The following CHTF8 variants were observed in gnomAD, a reference collection of about 807,000 sequenced individuals.
CHTF8 encodes chromosome transmission fidelity protein 8 homolog.
Under a neutral mutation model 11.0 loss-of-function variants are expected in CHTF8, and 6 were observed. The observed-to-expected ratio is 0.55, with a 90% confidence interval of 0.30 to 1.08. The LOEUF is 1.08. Among genes scored for constraint, CHTF8 ranks in the 50% least tolerant of loss-of-function variants. The pLI, the probability that CHTF8 is intolerant of heterozygous loss-of-function variation, is 0.07. For synonymous variants in CHTF8, 53 were observed against 60.5 expected (o/e 0.88, Z 0.57); for missense variants, 140 against 153.1 (o/e 0.91, Z 0.45).
chr16:69,118,677 A>AAAT lies in CHTF8; in HGVS notation c.*1745_*1747dup. 2 of 676,524 alleles carry AAAT rather than the reference A, an allele frequency of 3.0e-6. No homozygotes were observed. Among genetic ancestry groups the AAAT allele is most frequent in the East Asian group, 5.4e-5 (2 of 37,006 alleles). 41.9% of individuals were successfully genotyped at this position (676,524 alleles called of 1,614,324 possible). Reference sequence around the variant, plus strand: ...CCACCTGCCACAGTTCACATGCCACAAATAACATCTCACCTTCAGTCAAGA... The same window carrying AAAT: ...CCACCTGCCACAGTTCACATGCCACAAATAATAACATCTCACCTTCAGTCAAGA... On this transcript the variant is annotated 3_prime_UTR_variant, in exon 4 of 4. Transcript: ENST00000448552.
chr16:69,118,627 C>G lies in CHTF8; in HGVS notation c.*1798G>C. On this transcript the variant is annotated 3_prime_UTR_variant, in exon 4 of 4. Transcript: ENST00000448552. ...GCAGGCTTCTGGGAGGCTGGAGATC[C>G]TTTCTCTCAAGGGCAGGATTATTCC... 1.4e-6 allele frequency: 1 copy of G among 703,778 alleles called. No individual in the cohort carries two copies. The highest frequency in any genetic ancestry group is 2.7e-5 in the East Asian group (1 of 37,274). The allele number at this position is 703,778 out of a possible 1,614,324, so 43.6% of individuals were successfully genotyped here. A position where few individuals can be genotyped will look rare whatever the true frequency, so the allele number is the denominator to read the frequency against.
intron 1 of CHTF8, among the ~76,000 whole-genome samples, chr16:69,127,542 T>C (rs975527850): frequency 6.6e-6 from 1 of 150,704 alleles, no homozygotes; most frequent in African/African-American, 2.4e-5. Flanking sequence ...ATTTGATGAA[T>C]ACGCTATACA....
Position 69,118,802 on chromosome 16 carries a change from C to T in CHTF8, c.*1623G>A, listed in dbSNP as rs1381336054. 2 of 661,432 alleles carry T rather than the reference C, an allele frequency of 3.0e-6. No homozygotes were observed. The highest frequency in any genetic ancestry group is 1.8e-5 in the African/African-American group (1 of 55,984). 41.0% of individuals were successfully genotyped at this position (661,432 alleles called of 1,614,324 possible). ...ACCCTTTTACCTAAGACAGCCCCTGCCAAGAACCACAGTGCCTAGAAACCA... is the reference window on the plus strand; with the variant it reads ...ACCCTTTTACCTAAGACAGCCCCTGTCAAGAACCACAGTGCCTAGAAACCA... On this transcript the variant is annotated 3_prime_UTR_variant, in exon 4 of 4. Coordinates refer to ENST00000448552, the MANE Select transcript of CHTF8 (RefSeq NM_001039690.5).
In CHTF8 at chr16:69,118,683, C is replaced by A; in HGVS notation, c.*1742G>T. ...GCCACAGTTCACATGCCACAAATAA[C>A]ATCTCACCTTCAGTCAAGAAAAACG... On this transcript the variant is annotated 3_prime_UTR_variant, in exon 4 of 4. Transcript: ENST00000448552. The A allele has an allele frequency of 1.5e-6, 1 of 670,662 alleles. No individual in the cohort carries two copies. Among genetic ancestry groups the A allele is most frequent in the Non-Finnish European group, 2.7e-6 (1 of 370,114 alleles). 41.5% of individuals were successfully genotyped at this position (670,662 alleles called of 1,614,324 possible). A position where few individuals can be genotyped will look rare whatever the true frequency, so the allele number is the denominator to read the frequency against.
chr16:69,124,565 A>G (rs11861167), intron 1 of CHTF8, among the ~76,000 whole-genome samples: 3,636 of 151,832 alleles, frequency 0.024, 154 homozygotes, highest in African/African-American at 0.083. Context: ...CTGGGATTAC[A>G]GGCGCCCGCC....
At chr16:69,125,805 G>C (rs1001868649) in intron 1 of CHTF8, among the ~76,000 whole-genome samples, 1 of 152,246 alleles carries the variant, frequency 6.6e-6, no homozygotes, top group African/African-American at 2.4e-5. Flanking sequence ...TCTCCTGCCT[G>C]TAAGTGTGGA....
Position 69,121,753 on chromosome 16 carries a change from C to T in CHTF8, c.-35-260G>A, listed in dbSNP as rs537319290. 3.9e-4 allele frequency among the ~76,000 whole-genome samples: 59 copies of T among 152,128 alleles called. No homozygotes were observed. The South Asian group carries it at 6.5e-3, about 17-fold the overall frequency. Reference sequence around the variant, plus strand: ...CACGATCTCAGCTCACTGCAAGCTCCGCCTCCGGGGTTCATGCCATTCTCC... The same window carrying T: ...CACGATCTCAGCTCACTGCAAGCTCTGCCTCCGGGGTTCATGCCATTCTCC... On this transcript the variant is annotated intron_variant, in intron 1 of 3. Transcript: ENST00000448552.
At position 69,121,389 on chromosome 16, in the gene CHTF8, G is replaced by A. The variant is rs192664244; in HGVS notation, c.23+47C>T. 7.8e-6 allele frequency: 12 copies of A among 1,529,572 alleles called. No homozygotes were observed. In the African/African-American group the frequency reaches 1.5e-4, roughly 19 times the overall value. 94.8% of individuals were successfully genotyped at this position (1,529,572 alleles called of 1,614,324 possible). On this transcript the variant is annotated intron_variant, in intron 2 of 3. Coordinates refer to ENST00000448552, the MANE Select transcript of CHTF8 (RefSeq NM_001039690.5). ...TCCAGACACATGGCACACCTCTATA[G>A]CCCTCATCATTTCAAGCCAAATTTT...
In CHTF8 at chr16:69,121,671, GTT is replaced by G. The variant is rs893564251; in HGVS notation, c.-35-180_-35-179del. Among the ~76,000 whole-genome samples the G allele has an allele frequency of 8.5e-5, 12 of 141,266 alleles. No individual in the cohort carries two copies. In the South Asian group the frequency reaches 2.1e-3, roughly 24 times the overall value. 92.7% of individuals were successfully genotyped at this position (141,266 alleles called of 152,430 possible). A position where few individuals can be genotyped will look rare whatever the true frequency, so the allele number is the denominator to read the frequency against. ...TTTTTGTATTTTTAGTAGAGATGGG[GTT>G]TTTTTTTTTTTTGAGACGGAGTCTC... On this transcript the variant is annotated intron_variant, in intron 1 of 3. Coordinates refer to ENST00000448552, the MANE Select transcript of CHTF8 (RefSeq NM_001039690.5).
intron 1 of CHTF8, among the ~76,000 whole-genome samples, chr16:69,130,313 GTTTT>G (rs199974418): frequency 1.7e-5 from 2 of 119,854 alleles, no homozygotes; most frequent in Non-Finnish European, 4.1e-5. Flanking sequence ...TAGAAATTTT[GTTTT>G]TTTTTCAAAC....
At chr16:69,122,597 G>C (rs937130338) in intron 1 of CHTF8, among the ~76,000 whole-genome samples, 1 of 150,214 alleles carries the variant, frequency 6.7e-6, no homozygotes, top group African/African-American at 2.5e-5. Context: ...CTGGAGTGCA[G>C]TGGCATGATC....
At chr16:69,124,265 C>T (rs1043500041) in intron 1 of CHTF8, among the ~76,000 whole-genome samples, 4 of 152,156 alleles carry the variant, frequency 2.6e-5, no homozygotes, top group South Asian at 2.1e-4. Context: ...CTGATAGGAT[C>T]GGGGATAAAA....
Position 69,119,164 on chromosome 16 carries a change from G to A in CHTF8, c.*1261C>T, listed in dbSNP as rs1413460670. The stretch of plus-strand genomic sequence containing the variant: ...AGACCTTGGGAAGGTAGTTGGACTT[G>A]GACCCTGCAGGCCAGTGGCCCTTGG... On this transcript the variant is annotated 3_prime_UTR_variant, in exon 4 of 4. Coordinates refer to ENST00000448552, the MANE Select transcript of CHTF8 (RefSeq NM_001039690.5). 4.3e-6 allele frequency: 3 copies of A among 703,008 alleles called. No homozygotes were observed. In the Admixed American group the frequency reaches 6.0e-5, roughly 14 times the overall value. The allele number at this position is 703,008 out of a possible 1,614,324, so 43.5% of individuals were successfully genotyped here. A position where few individuals can be genotyped will look rare whatever the true frequency, so the allele number is the denominator to read the frequency against.
chr16:69,123,260 A>G (rs1961814272), intron 1 of CHTF8, among the ~76,000 whole-genome samples: 1 of 152,200 alleles, frequency 6.6e-6, no homozygotes, highest in Admixed American at 6.5e-5. Context: ...TTTCTTAAAA[A>G]AGCCTATGGA....
chr16:69,122,460 C>T (rs1349745190), intron 1 of CHTF8, among the ~76,000 whole-genome samples: 1 of 151,592 alleles, frequency 6.6e-6, no homozygotes, highest in Non-Finnish European at 1.5e-5. Context: ...GCAACCTCTG[C>T]TTCCCGGGTT....
chr16:69,127,194 C>T (rs1277485462), intron 1 of CHTF8, among the ~76,000 whole-genome samples: 7 of 150,924 alleles, frequency 4.6e-5, no homozygotes, highest in Non-Finnish European at 7.4e-5. Flanking sequence ...GCTGAGATTG[C>T]GCCACCACAC....
chr16:69,129,428 A>C (rs11641720), intron 1 of CHTF8, among the ~76,000 whole-genome samples: 1 of 105,522 alleles, frequency 9.5e-6, no homozygotes, highest in Non-Finnish European at 2.0e-5. Context: ...AGACTCCGTC[A>C]CAAAAAAAAA....
At position 69,120,667 on chromosome 16, in the gene CHTF8, C is replaced by T. The variant is rs199854490; in HGVS notation, c.142-18G>A. Reference sequence around the variant, plus strand: ...GGGATTCCCTTTGGCAGAACAAGAACGAGATTCCTGAGGTTCCGGGGCAAG... The same window carrying T: ...GGGATTCCCTTTGGCAGAACAAGAATGAGATTCCTGAGGTTCCGGGGCAAG... On this transcript the variant is annotated intron_variant, in intron 3 of 3. Transcript: ENST00000448552. The surrounding 1 kb of genome is among the most constrained non-coding windows in gnomAD (Gnocchi z 4.0). 19 of 1,598,204 alleles carry T rather than the reference C, an allele frequency of 1.2e-5. No individual in the cohort carries two copies. Among genetic ancestry groups the T allele is most frequent in the East Asian group, 9.0e-5 (4 of 44,516 alleles).
Position 69,118,605 on chromosome 16 carries a change from G to C in CHTF8, c.*1820C>G. ...AAAGCTGTGGGACGAAAGCACAGCAGGCTTCTGGGAGGCTGGAGATCCTTT... is the reference window on the plus strand; with the variant it reads ...AAAGCTGTGGGACGAAAGCACAGCACGCTTCTGGGAGGCTGGAGATCCTTT... On this transcript the variant is annotated 3_prime_UTR_variant, in exon 4 of 4. Coordinates refer to ENST00000448552, the MANE Select transcript of CHTF8 (RefSeq NM_001039690.5). The C allele has an allele frequency of 1.4e-6, 1 of 713,534 alleles. No homozygotes were observed. Among genetic ancestry groups the C allele is most frequent in the Non-Finnish European group, 2.6e-6 (1 of 390,628 alleles). 44.2% of individuals were successfully genotyped at this position (713,534 alleles called of 1,614,324 possible).
Sources: gnomAD v4.1 joint callset for allele counts (sites outside exome capture counted in the v4.1 genomes callset) on GRCh38, gnomAD v4.1.1 for gene constraint, Gnocchi (gnomAD v3.1) non-coding constraint, MANE v1.5 for transcripts, NCBI Gene and HGNC (gene_info 2026-07-23, HGNC 2026-07-21) for gene names.